The following PCDHA5 variants were observed in gnomAD, a reference collection of about 807,000 sequenced individuals.
PCDHA5 encodes the protein protocadherin alpha 5, also known as protocadherin alpha-5.
A neutral mutation model predicts 61.6 loss-of-function variants in PCDHA5; 43 were observed. The ratio of observed to expected loss-of-function variants is 0.70; its 90% CI spans 0.55 to 0.90. The LOEUF (loss-of-function observed/expected upper bound fraction) is 0.90. PCDHA5 is among the 40% of genes least tolerant of loss of function. The pLI, the probability that PCDHA5 is intolerant of heterozygous loss-of-function variation, is 0.00. For synonymous variants in PCDHA5, 627 were observed against 543.9 expected (o/e 1.15, Z -2.13); for missense variants, 1,298 against 1,222.7 (o/e 1.06, Z -0.92).
At chr5:140,995,500 G>A (rs541415385) in intron 3 of PCDHA5, among the ~76,000 whole-genome samples, 22 of 152,298 alleles carry the variant, frequency 1.4e-4, no homozygotes, top group Admixed American at 1.2e-3. Flanking sequence ...AAGGTTGACT[G>A]TGGGTAACTG....
intron 1 of PCDHA5, chr5:140,875,950 G>A: frequency 6.2e-7 from 1 of 1,614,166 alleles, no homozygotes; most frequent in South Asian, 1.1e-5. Flanking sequence ...CGCTTCTGAT[G>A]CGGATATCGG....
intron 1 of PCDHA5, chr5:140,857,488 C>A (rs782255025): frequency 6.3e-7 from 1 of 1,598,442 alleles, no homozygotes; most frequent in South Asian, 1.1e-5. Context: ...CTGCGTGGGA[C>A]GCGGACGCGC....
At chr5:140,960,162 C>T (rs782387212) in intron 1 of PCDHA5, among the ~76,000 whole-genome samples, 3 of 152,064 alleles carry the variant, frequency 2.0e-5, no homozygotes, top group Non-Finnish European at 4.4e-5. Context: ...ACTGATAATA[C>T]AATTCTTAAG....
chr5:140,903,859 T>C (rs2070674942), intron 1 of PCDHA5, among the ~76,000 whole-genome samples: 1 of 152,186 alleles, frequency 6.6e-6, no homozygotes, highest in Non-Finnish European at 1.5e-5. Context: ...ACAAATAATA[T>C]AGAGTAAAAT....
intron 1 of PCDHA5, chr5:140,836,852 A>AT (rs1364228516): frequency 6.2e-6 from 5 of 810,820 alleles, no homozygotes; most frequent in Non-Finnish European, 9.4e-6. Context: ...TATAATTATT[A>AT]TTTTTTAATG....
Position 140,821,958 on chromosome 5 carries a change from C to T in PCDHA5, c.183C>T (p.Arg61=), listed in dbSNP as rs1322134244. The change falls in exon 1 of 4, where the codon CGC becomes CGT. Residue 61 remains arginine (R), a synonymous_variant. Transcript: ENST00000529859. ...TGGAGCTGGCGGAGCTGGTGCCGCGCCTGTTCCGGGTGGCGTCCAAGGGCC... is the reference window on the plus strand; with the variant it reads ...TGGAGCTGGCGGAGCTGGTGCCGCGTCTGTTCCGGGTGGCGTCCAAGGGCC... ...LGLELAELVP[R]LFRVASKGRG... The T allele has an allele frequency of 6.2e-7, 1 of 1,614,038 alleles. No individual in the cohort carries two copies. Among genetic ancestry groups the T allele is most frequent in the Non-Finnish European group, 8.5e-7 (1 of 1,180,046 alleles).
At chr5:140,873,085 C>G (rs1554166557) in intron 1 of PCDHA5, among the ~76,000 whole-genome samples, 2 of 152,098 alleles carry the variant, frequency 1.3e-5, no homozygotes, top group Non-Finnish European at 2.9e-5. Flanking sequence ...TATTTCCCCC[C>G]CGTATAGAGG....
At chr5:140,825,558 G>C (rs1468838002) in intron 1 of PCDHA5, 1 of 151,638 alleles carries the variant, frequency 6.6e-6, no homozygotes, top group Non-Finnish European at 1.5e-5. Context: ...CCAAGTAGCT[G>C]GGATTACAGG....
chr5:140,998,893 C>T (rs144409989), intron 3 of PCDHA5, among the ~76,000 whole-genome samples: 1 of 152,306 alleles, frequency 6.6e-6, no homozygotes, highest in African/African-American at 2.4e-5. Flanking sequence ...GAATAAATAA[C>T]AATGCCTCCG....
intron 3 of PCDHA5, among the ~76,000 whole-genome samples, chr5:140,996,834 A>G (rs527764387): frequency 1.7e-4 from 26 of 152,374 alleles, no homozygotes; most frequent in Middle Eastern, 3.4e-3. Flanking sequence ...CCAATAATTT[A>G]GCGTGCATCT....
chr5:141,000,163 A>G (rs2097894710), intron 3 of PCDHA5, among the ~76,000 whole-genome samples: 1 of 152,054 alleles, frequency 6.6e-6, no homozygotes, highest in African/African-American at 2.4e-5. Context: ...AAACTATTTG[A>G]TTATTGAGCC....
intron 1 of PCDHA5, among the ~76,000 whole-genome samples, chr5:140,910,576 C>T (rs1305355365): frequency 6.6e-6 from 1 of 152,174 alleles, no homozygotes; most frequent in African/African-American, 2.4e-5. Context: ...TTTTCTGGAT[C>T]CTCCCAGCTG....
intron 1 of PCDHA5, among the ~76,000 whole-genome samples, chr5:140,902,415 G>T (rs887303649): frequency 1.3e-5 from 2 of 152,060 alleles, no homozygotes; most frequent in South Asian, 4.1e-4. Context: ...TTGAATAACA[G>T]TGGTGAAAGT....
intron 1 of PCDHA5, among the ~76,000 whole-genome samples, chr5:140,910,102 A>G (rs1206018595): frequency 2.6e-5 from 4 of 152,184 alleles, no homozygotes; most frequent in African/African-American, 9.7e-5. Context: ...CCTCCCCTTC[A>G]TTTAAGGGAT....
Position 140,823,863 on chromosome 5 carries a change from C to T in PCDHA5, c.2088C>T (p.Asn696=). The change falls in exon 1 of 4, where the codon AAC becomes AAT. Residue 696 remains asparagine (N), a synonymous_variant. Coordinates refer to ENST00000529859, the MANE Select transcript of PCDHA5 (RefSeq NM_018908.3). Reference sequence around the variant, plus strand: ...CCGAGGCTGCCCTGGTGGATGTCAACGTGTACCTGATCATCGCCATCTGTG... The same window carrying T: ...CCGAGGCTGCCCTGGTGGATGTCAATGTGTACCTGATCATCGCCATCTGTG... The part of the protein sequence containing the change: ...VGPEAALVDV[N]VYLIIAICAV... The T allele has an allele frequency of 6.2e-7, 1 of 1,613,882 alleles. No individual in the cohort carries two copies. The highest frequency in any genetic ancestry group is 8.5e-7 in the Non-Finnish European group (1 of 1,179,936).
At chr5:140,895,206 AT>A (rs2064913908) in intron 1 of PCDHA5, among the ~76,000 whole-genome samples, 1 of 151,808 alleles carries the variant, frequency 6.6e-6, no homozygotes, top group Non-Finnish European at 1.5e-5. Flanking sequence ...ATTTGCTTTT[AT>A]TTCTAATATT....
chr5:140,969,351 G>A (rs1554231714), intron 1 of PCDHA5: 1 of 1,612,990 alleles, frequency 6.2e-7, no homozygotes, highest in Non-Finnish European at 8.5e-7. Flanking sequence ...TGGTCAGGGG[G>A]TCTTCTACAA....
intron 1 of PCDHA5, among the ~76,000 whole-genome samples, chr5:140,921,904 T>A (rs1554200513): frequency 1.3e-5 from 2 of 151,968 alleles, no homozygotes; most frequent in African/African-American, 4.8e-5. Flanking sequence ...GATAAATATA[T>A]ATTACATGAT....
chr5:140,908,490 G>A (rs149646315), intron 1 of PCDHA5, among the ~76,000 whole-genome samples: 2 of 152,140 alleles, frequency 1.3e-5, no homozygotes, highest in Admixed American at 6.5e-5. Context: ...GGCAGTTCAG[G>A]TTGCTTGGTG....
Sources: gnomAD v4.1 joint callset for allele counts (sites outside exome capture counted in the v4.1 genomes callset) on GRCh38, gnomAD v4.1.1 for gene constraint, MANE v1.5 for transcripts, NCBI Gene and HGNC (gene_info 2026-07-23, HGNC 2026-07-21) for gene names.